Variants in DOCK1 observed in about 807,000 individuals in gnomAD.
DOCK1 encodes the protein dedicator of cytokinesis 1, also known as dedicator of cytokinesis protein 1.
Under a neutral mutation model 262.7 loss-of-function variants are expected in DOCK1, and 138 were observed. The observed-to-expected ratio is 0.53, with a 90% CI of 0.46 to 0.61. The LOEUF (loss-of-function observed/expected upper bound fraction) is 0.61. Among genes scored for constraint, DOCK1 ranks in the 20% least tolerant of loss-of-function variants. The pLI, the probability that DOCK1 is intolerant of heterozygous loss-of-function variation, is 0.00. For missense variants in DOCK1, 1,908 were observed against 2,370.7 expected (o/e 0.80, Z 4.05); for synonymous variants, 866 against 867.4 (o/e 1.00, Z 0.03).
intron 43 of DOCK1, among the ~76,000 whole-genome samples, chr10:127,413,401 C>A (rs10830005): frequency 8.6e-5 from 13 of 152,032 alleles, no homozygotes; most frequent in Non-Finnish European, 1.5e-4. Context: ...TTCACATGCC[C>A]CACAAAGCCT....
At chr10:127,093,589 A>T (rs1025104806) in intron 23 of DOCK1, among the ~76,000 whole-genome samples, 1 of 151,700 alleles carries the variant, frequency 6.6e-6, no homozygotes, top group Non-Finnish European at 1.5e-5. Flanking sequence ...CCTGAGCTCA[A>T]GCGATCCTCC....
At position 127,434,626 on chromosome 10, in the gene DOCK1, C is replaced by G. The variant is rs180701280; in HGVS notation, c.5060+1198C>G. Among the ~76,000 whole-genome samples the G allele has an allele frequency of 3.6e-3, 551 of 152,196 alleles. 3 individuals are homozygous for G. Among genetic ancestry groups the G allele is most frequent in the African/African-American group, 0.013 (521 of 41,534 alleles). On this transcript the variant is annotated intron_variant, in intron 48 of 51. Transcript: ENST00000623213. ...ACACTAACTTTGCATTCTTTCCCCCCACCCCTGACACCCTGACAATGTCTA... is the reference window on the plus strand; with the variant it reads ...ACACTAACTTTGCATTCTTTCCCCCGACCCCTGACACCCTGACAATGTCTA...
At chr10:127,253,164 G>C (rs36078995) in intron 28 of DOCK1, among the ~76,000 whole-genome samples, 2 of 151,974 alleles carry the variant, frequency 1.3e-5, no homozygotes, top group Admixed American at 1.3e-4. Flanking sequence ...CCTGCCCAAG[G>C]GGCTGCTGGC....
intron 29 of DOCK1, among the ~76,000 whole-genome samples, chr10:127,274,051 G>A (rs2060659578): frequency 1.3e-5 from 2 of 152,152 alleles, no homozygotes; most frequent in African/African-American, 4.8e-5. Flanking sequence ...TGATCTGCAT[G>A]TAATTCACAG....
At chr10:126,912,967 C>T (rs1004228497) in intron 1 of DOCK1, among the ~76,000 whole-genome samples, 3 of 151,174 alleles carry the variant, frequency 2.0e-5, no homozygotes, top group Non-Finnish European at 2.9e-5. Context: ...CAGTTTCCCT[C>T]TGTCTTTAGT....
At chr10:126,957,806 C>A (rs981874166) in intron 1 of DOCK1, among the ~76,000 whole-genome samples, 5 of 152,100 alleles carry the variant, frequency 3.3e-5, no homozygotes, top group Admixed American at 1.3e-4. Context: ...TAACTCAAAC[C>A]TGGAAACAAA....
intron 27 of DOCK1, among the ~76,000 whole-genome samples, chr10:127,171,635 A>G (rs926637291): frequency 3.3e-5 from 5 of 152,180 alleles, no homozygotes; most frequent in African/African-American, 1.2e-4. Context: ...GACTTTCCCC[A>G]GCTTCAAGAG....
chr10:127,393,725 T>C (rs1217140166), intron 38 of DOCK1, among the ~76,000 whole-genome samples: 1 of 152,232 alleles, frequency 6.6e-6, no homozygotes, highest in Non-Finnish European at 1.5e-5. Flanking sequence ...CTTTCTGTAT[T>C]TCTTCCCCAC....
At chr10:127,194,727 G>A (rs2056981777) in intron 27 of DOCK1, among the ~76,000 whole-genome samples, 1 of 152,152 alleles carries the variant, frequency 6.6e-6, no homozygotes, top group African/African-American at 2.4e-5. Flanking sequence ...TGAGGGGGGA[G>A]CGTTCAAGTG....
At chr10:127,401,615 G>C (rs781694247) in intron 38 of DOCK1, among the ~76,000 whole-genome samples, 1 of 152,134 alleles carries the variant, frequency 6.6e-6, no homozygotes, top group African/African-American at 2.4e-5. Flanking sequence ...CACTCACCCA[G>C]CTCCTGAGAT....
chr10:127,022,767 AC>A (rs528753122), intron 13 of DOCK1, among the ~76,000 whole-genome samples: 40 of 152,120 alleles, frequency 2.6e-4, no homozygotes, highest in Non-Finnish European at 5.0e-4. Context: ...ATAGGAGGCA[AC>A]CTTGCCAGTT....
At chr10:127,251,369 C>T (rs2059634526) in intron 28 of DOCK1, among the ~76,000 whole-genome samples, 1 of 151,496 alleles carries the variant, frequency 6.6e-6, no homozygotes, top group Non-Finnish European at 1.5e-5. Context: ...AAAACACTTT[C>T]CATTTTTTTT....
rs141648920 is a variant in DOCK1, at chr10:127,147,616, C to G, written c.2847+19852C>G. Among the ~76,000 whole-genome samples the G allele has an allele frequency of 4.6e-5, 7 of 152,218 alleles. No homozygotes were observed. The East Asian group carries it at 1.4e-3, about 30-fold the overall frequency. ...GCAGCTTCACACTCCTCCCAGTCTC[C>G]CAGGGCCTGGTGCAGAACTTGTCCT... is the stretch of plus-strand genomic sequence containing the variant. On this transcript the variant is annotated intron_variant, in intron 27 of 51. Transcript: ENST00000623213.
chr10:127,012,164 G>T lies in DOCK1; in HGVS notation c.1059-68G>T, dbSNP rs1448651172. 3.7e-6 allele frequency: 3 copies of T among 809,986 alleles called. No homozygotes were observed. The Admixed American group carries it at 6.0e-5, about 16-fold the overall frequency. The allele number at this position is 809,986 out of a possible 1,614,324, so 50.2% of individuals were successfully genotyped here. On this transcript the variant is annotated intron_variant, in intron 11 of 51. Transcript: ENST00000623213. This position sits in a 1 kb window ranked among gnomAD's most constrained non-coding sequence, Gnocchi z 4.0. ...TGACGATGATCTCTTATGTTCCCTT[G>T]TTACCGTGGCCCATGGGTCTCTGTG...
chr10:127,359,468 G>A (rs2064306251), intron 32 of DOCK1, among the ~76,000 whole-genome samples: 1 of 152,130 alleles, frequency 6.6e-6, no homozygotes, highest in South Asian at 2.1e-4. Flanking sequence ...TGAACAACTC[G>A]CTGTCACCAT....
At chr10:127,424,551 C>T (rs2068701294) in intron 46 of DOCK1, among the ~76,000 whole-genome samples, 1 of 152,122 alleles carries the variant, frequency 6.6e-6, no homozygotes, top group African/African-American at 2.4e-5. Flanking sequence ...CAGAGAGAGA[C>T]CCAACACATT....
At chr10:126,964,690 G>A (rs2037526998) in intron 1 of DOCK1, among the ~76,000 whole-genome samples, 1 of 152,230 alleles carries the variant, frequency 6.6e-6, no homozygotes, top group South Asian at 2.1e-4. Flanking sequence ...GAGTGACTGA[G>A]CCGAGTTGAT....
At chr10:126,912,358 A>G (rs1380097533) in intron 1 of DOCK1, among the ~76,000 whole-genome samples, 1 of 150,276 alleles carries the variant, frequency 6.7e-6, no homozygotes, top group African/African-American at 2.5e-5. Flanking sequence ...GGAACCTCGG[A>G]GGCGGAGGTT....
At chr10:127,372,405 G>T (rs1049751257) in intron 33 of DOCK1, among the ~76,000 whole-genome samples, 1 of 152,200 alleles carries the variant, frequency 6.6e-6, no homozygotes, top group South Asian at 2.1e-4. Context: ...ACTGGGCTTG[G>T]CCTGGCCAAG....
Sources: allele counts gnomAD v4.1 joint callset (sites outside exome capture counted in the v4.1 genomes callset), GRCh38; gene constraint gnomAD v4.1.1; non-coding constraint Gnocchi (gnomAD v3.1); transcripts MANE v1.5; gene names NCBI Gene and HGNC (gene_info 2026-07-23, HGNC 2026-07-21).